The following TDRD1 variants were observed in gnomAD, a reference collection of about 807,000 sequenced individuals.
TDRD1 encodes the protein tudor domain containing 1, also known as tudor domain-containing protein 1.
A neutral mutation model predicts 140.6 loss-of-function variants in TDRD1; 37 were observed. That is an observed-to-expected ratio of 0.26 (90% CI 0.20 to 0.35). The LOEUF (loss-of-function observed/expected upper bound fraction) is 0.35, where lower values mean the gene tolerates loss of function less well. TDRD1 is among the 10% of genes least tolerant of loss of function. The pLI, the probability that TDRD1 is intolerant of heterozygous loss-of-function variation, is 1.00. For synonymous variants in TDRD1, 506 were observed against 475.7 expected (o/e 1.06, Z -0.83); for missense variants, 1,243 against 1,393.0 (o/e 0.89, Z 1.71).
At chr10:114,230,503 G>A (rs1370495166) in intron 25 of TDRD1, among the ~76,000 whole-genome samples, 1 of 152,142 alleles carries the variant, frequency 6.6e-6, no homozygotes, top group Admixed American at 6.5e-5. Flanking sequence ...GGAAGCTGAG[G>A]CTCAGAGAGG....
intron 16 of TDRD1, among the ~76,000 whole-genome samples, chr10:114,215,999 G>C (rs2035792855): frequency 6.6e-6 from 1 of 152,170 alleles, no homozygotes; most frequent in African/African-American, 2.4e-5. Context: ...TTGGATATCA[G>C]TTCACATACT....
chr10:114,196,391 A>G lies in TDRD1; in HGVS notation c.385-2782A>G, dbSNP rs143247224. 1.6e-4 allele frequency among the ~76,000 whole-genome samples: 24 copies of G among 152,294 alleles called. 1 individual carries two copies. In the East Asian group the frequency reaches 3.7e-3, roughly 23 times the overall value. On this transcript the variant is annotated intron_variant, in intron 3 of 25. Transcript: ENST00000251864. ...TTCATCTGAAAAGTCTTGATTTCCC[A>G]TTCATTCCTGAAAGATATTTTCCTT...
intron 3 of TDRD1, among the ~76,000 whole-genome samples, chr10:114,195,026 C>T (rs2034249190): frequency 6.6e-6 from 1 of 151,586 alleles, no homozygotes; most frequent in African/African-American, 2.4e-5. Flanking sequence ...TCCCAAATTG[C>T]TGGGATTACA....
At chr10:114,225,021 G>A (rs765907287) in intron 21 of TDRD1, among the ~76,000 whole-genome samples, 13 of 152,104 alleles carry the variant, frequency 8.5e-5, no homozygotes, top group Non-Finnish European at 1.5e-4. Context: ...TCCCAGTGTC[G>A]CCATCTTGAT....
At chr10:114,216,321 T>G (rs779767583) in intron 16 of TDRD1, among the ~76,000 whole-genome samples, 24 of 152,360 alleles carry the variant, frequency 1.6e-4, no homozygotes, top group Non-Finnish European at 3.1e-4. Flanking sequence ...GGTATTCCAC[T>G]GTGTGGGTTT....
exon 20 of TDRD1, chr10:114,221,465 A>C (rs1210459349): frequency 1.2e-5 from 19 of 1,612,374 alleles, no homozygotes; most frequent in Non-Finnish European, 1.6e-5. Context: ...GCTCTACCAA[A>C]AGGGATGCCA....
chr10:114,184,901 C>T (rs540782387), intron 1 of TDRD1, among the ~76,000 whole-genome samples: 1 of 152,104 alleles, frequency 6.6e-6, no homozygotes, highest in South Asian at 2.1e-4. Context: ...GTGAATGTAG[C>T]ATGTATGATA....
At chr10:114,199,577 A>G (rs1430255604) in intron 4 of TDRD1, among the ~76,000 whole-genome samples, 1 of 152,182 alleles carries the variant, frequency 6.6e-6, no homozygotes, top group Non-Finnish European at 1.5e-5. Context: ...CATCCTTGTC[A>G]TAACATAGGA....
At chr10:114,226,538 TC>T (rs2036449063) in intron 22 of TDRD1, among the ~76,000 whole-genome samples, 1 of 152,162 alleles carries the variant, frequency 6.6e-6, no homozygotes, top group South Asian at 2.1e-4. Context: ...AACCAGGGTG[TC>T]TGACCTCTCA....
At chr10:114,221,679 C>T (rs949215638) in intron 20 of TDRD1, among the ~76,000 whole-genome samples, 1 of 152,186 alleles carries the variant, frequency 6.6e-6, no homozygotes, top group Non-Finnish European at 1.5e-5. Context: ...CAGCACCTAC[C>T]TGCCCAGTAG....
chr10:114,218,455 C>G (rs767488124), exon 18 of TDRD1: 1 of 1,606,800 alleles, frequency 6.2e-7, no homozygotes, highest in South Asian at 1.1e-5. Context: ...GGAAATCTTA[C>G]CAAATGGACA....
In TDRD1 at chr10:114,210,606, G is replaced by T. The variant is rs758328593; in HGVS notation, c.1410G>T (p.Met470Ile). 9 of 1,594,982 alleles carry T rather than the reference G, an allele frequency of 5.6e-6. No individual in the cohort carries two copies. The Admixed American group carries it at 1.4e-4, about 24-fold the overall frequency. The stretch of plus-strand genomic sequence containing the variant: ...GTGATCCTGAAGATGTTGGAAAAAT[G>T]ACAACTGAAAACAACATTGTCGTAG... The change falls in exon 12 of 26, where the codon ATG becomes ATT. Residue 470 changes from methionine to isoleucine, a missense_variant. Met to Ile is a conservative substitution (Grantham distance 10). Coordinates refer to ENST00000251864, the Ensembl canonical transcript of TDRD1.
At chr10:114,211,003 T>G in intron 13 of TDRD1, 36 bp downstream of exon 13, 1 of 1,481,630 alleles carries the variant, frequency 6.7e-7, no homozygotes, top group Non-Finnish European at 9.2e-7. Context: ...TAAAATTTAT[T>G]TTTATTTATT....
rs557223088 is a variant in TDRD1 at position 114,201,805 on chromosome 10, G to C, written c.635+290G>C. Reference sequence around the variant, plus strand: ...TGTGTACTTTCCTGGATTTTAATAAGTTTGGAACTCTTACATGCCTCTTGA... The same window carrying C: ...TGTGTACTTTCCTGGATTTTAATAACTTTGGAACTCTTACATGCCTCTTGA... On this transcript the variant is annotated intron_variant, in intron 5 of 25. Transcript: ENST00000251864. Among the ~76,000 whole-genome samples the C allele has an allele frequency of 7.9e-5, 12 of 152,254 alleles. No individual in the cohort carries two copies. In the South Asian group the frequency reaches 2.5e-3, roughly 32 times the overall value.
At chr10:114,221,619 A>G (rs1482037263) in intron 20 of TDRD1, 143 bp downstream of exon 20, 56 of 785,670 alleles carry the variant, frequency 7.1e-5, no homozygotes, top group Non-Finnish European at 7.9e-6. Flanking sequence ...CTTAAGGCAA[A>G]TTTAGTTACG....
At chr10:114,221,639 C>T (rs1358948379) in intron 20 of TDRD1, among the ~76,000 whole-genome samples, 163 bp downstream of exon 20, 7 of 152,104 alleles carry the variant, frequency 4.6e-5, no homozygotes, top group East Asian at 1.9e-4. Flanking sequence ...GAAACACTAG[C>T]GGGAACATGA....
At chr10:114,203,140 G>A in exon 7 of TDRD1, 1 of 1,613,652 alleles carries the variant, frequency 6.2e-7, no homozygotes, top group Non-Finnish European at 8.5e-7. Context: ...TTTCTGATTT[G>A]AGAAGTCTAC....
At chr10:114,199,057 A>G in intron 3 of TDRD1, 116 bp from the exon 4 acceptor site, 8 of 1,140,612 alleles carry the variant, frequency 7.0e-6, no homozygotes, top group Non-Finnish European at 9.8e-6. Context: ...TTACCTTAAT[A>G]GGAGGAATAA....
At chr10:114,189,431 A>C (rs1174146981) in intron 2 of TDRD1, among the ~76,000 whole-genome samples, 1 of 152,226 alleles carries the variant, frequency 6.6e-6, no homozygotes, top group African/African-American at 2.4e-5. Context: ...TAACAAAGTG[A>C]GCCCTTTACT....
Sources: gnomAD v4.1 joint callset for allele counts (sites outside exome capture counted in the v4.1 genomes callset) on GRCh38, gnomAD v4.1.1 for gene constraint, MANE v1.5 for transcripts, NCBI Gene and HGNC (gene_info 2026-07-23, HGNC 2026-07-21) for gene names.